CSMD2: variants seen among roughly 807,000 people sequenced by gnomAD.
CSMD2 encodes the protein CUB and sushi domain-containing protein 2.
CSMD2 carries 130 observed loss-of-function variants against 398.5 expected under a neutral mutation model. The observed-to-expected ratio is 0.33, with a 90% CI of 0.28 to 0.38. The LOEUF (loss-of-function observed/expected upper bound fraction) is 0.38, where lower values mean the gene tolerates loss of function less well. Among genes scored for constraint, CSMD2 ranks in the 10% least tolerant of loss-of-function variants. CSMD2 has a pLI of 1.00. For synonymous variants in CSMD2, 1,828 were observed against 1,908.5 expected (o/e 0.96, Z 1.10); for missense variants, 3,829 against 4,764.9 (o/e 0.80, Z 5.78).
In CSMD2 at chr1:33,847,363, TCCC is replaced by T. The variant is rs1011633552; in HGVS notation, c.921-370_921-368del. Reference sequence around the variant, plus strand: ...TAACGCTTTCTCCTGCCCATCCATGTCCCCCAAGATGACTTTGGGAAGCCCCTT... The same window carrying T: ...TAACGCTTTCTCCTGCCCATCCATGTCCAAGATGACTTTGGGAAGCCCCTT... On this transcript the variant is annotated intron_variant, in intron 5 of 70. Transcript: ENST00000373381. 2.3e-4 allele frequency among the ~76,000 whole-genome samples: 35 copies of T among 151,614 alleles called. 1 individual carries two copies. The highest frequency in any genetic ancestry group is 8.2e-4 in the African/African-American group (34 of 41,238).
chr1:33,736,197 T>C (rs1386519344), intron 15 of CSMD2, among the ~76,000 whole-genome samples: 1 of 152,208 alleles, frequency 6.6e-6, no homozygotes. Flanking sequence ...AAAGACCTTT[T>C]TAACTTTAAA....
intron 51 of CSMD2, among the ~76,000 whole-genome samples, chr1:33,570,332 AAT>A (rs1491269302): frequency 1.1e-5 from 1 of 90,634 alleles, no homozygotes; most frequent in Non-Finnish European, 2.3e-5. Context: ...CATGCTGGCT[AAT>A]TTTTTTTTTT....
chr1:33,743,479 C>T lies in CSMD2; in HGVS notation c.1974G>A (p.Leu658=). 6.2e-7 allele frequency: 1 copy of T among 1,614,126 alleles called. No individual in the cohort carries two copies. The highest frequency in any genetic ancestry group is 2.2e-5 in the East Asian group (1 of 44,870). Residue 658 remains leucine (L), a synonymous_variant, in exon 14 of 71, where the codon CTG becomes CTA. Coordinates refer to ENST00000373381, the MANE Select transcript of CSMD2 (RefSeq NM_001281956.2). ...ILARPESRIH[L]AFNDIDVEPQ... ...GCTCCACGTCAATGTCGTTGAAGGC[C>T]AGGTGGATGCGGCTCTCAGGCCTGG...
chr1:33,984,971 G>C (rs1463852624), intron 3 of CSMD2, among the ~76,000 whole-genome samples: 1 of 152,168 alleles, frequency 6.6e-6, no homozygotes, highest in East Asian at 1.9e-4. Context: ...TTGCACAAAT[G>C]GGTAATGATT....
intron 4 of CSMD2, among the ~76,000 whole-genome samples, chr1:33,929,537 A>T (rs112723460): frequency 6.7e-6 from 1 of 148,632 alleles, no homozygotes; most frequent in African/African-American, 2.5e-5. Flanking sequence ...TCCCGGATTC[A>T]AGAGATTCTC....
intron 2 of CSMD2, among the ~76,000 whole-genome samples, chr1:34,049,825 A>G (rs1370544945): frequency 6.6e-6 from 1 of 152,202 alleles, no homozygotes; most frequent in Non-Finnish European, 1.5e-5. Flanking sequence ...GTGAACTCCC[A>G]AAGTTTATAT....
intron 6 of CSMD2, among the ~76,000 whole-genome samples, chr1:33,830,824 A>C (rs1659458399): frequency 6.6e-6 from 1 of 152,242 alleles, no homozygotes; most frequent in South Asian, 2.1e-4. Context: ...AAAGGAGCTG[A>C]TGGAGCTGAA....
chr1:33,783,126 G>A (rs901965968), intron 12 of CSMD2, among the ~76,000 whole-genome samples: 2 of 152,130 alleles, frequency 1.3e-5, no homozygotes, highest in Non-Finnish European at 2.9e-5. Flanking sequence ...AAAGGAGGAG[G>A]CGGAGATGAG....
intron 28 of CSMD2, among the ~76,000 whole-genome samples, chr1:33,650,479 A>G (rs868435523): frequency 2.0e-5 from 3 of 149,752 alleles, no homozygotes; most frequent in East Asian, 2.0e-4. Flanking sequence ...TCATAAGGGC[A>G]TGAAAGAATC....
intron 1 of CSMD2, among the ~76,000 whole-genome samples, chr1:34,097,158 G>A (rs1483168609): frequency 2.2e-4 from 32 of 147,380 alleles, no homozygotes; most frequent in Non-Finnish European, 1.2e-4. Context: ...ACAAGCAATG[G>A]GGAAAGGATT....
intron 45 of CSMD2, among the ~76,000 whole-genome samples, chr1:33,586,864 T>G (rs1016304907): frequency 6.6e-6 from 1 of 152,232 alleles, no homozygotes; most frequent in African/African-American, 2.4e-5. Context: ...CTCAAAAAGA[T>G]GCTGACTTGA....
chr1:33,931,778 A>G (rs1453509635), intron 4 of CSMD2, among the ~76,000 whole-genome samples: 1 of 152,216 alleles, frequency 6.6e-6, no homozygotes, highest in Non-Finnish European at 1.5e-5. Context: ...AATCTGAACT[A>G]GACCCCGTCA....
chr1:33,737,415 G>T (rs1646918794), intron 15 of CSMD2, among the ~76,000 whole-genome samples: 1 of 152,210 alleles, frequency 6.6e-6, no homozygotes, highest in African/African-American at 2.4e-5. Flanking sequence ...GTCCAATGAA[G>T]AAATAGTTAA....
In CSMD2 at chr1:33,519,984, G is replaced by A. The variant is rs761182083; in HGVS notation, c.10598-34C>T. The stretch of plus-strand genomic sequence containing the variant: ...TCCCAAAGCAGAAAAGTCAAGTCAC[G>A]AGACACAGTCTGAGGCTCCGTTGGC... On this transcript the variant is annotated intron_variant, in intron 68 of 70. Transcript: ENST00000373381. The surrounding 1 kb of genome is among the most constrained non-coding windows in gnomAD (Gnocchi z 5.6). 8 of 1,611,748 alleles carry A rather than the reference G, an allele frequency of 5.0e-6. No homozygotes were observed. The African/African-American group carries it at 5.3e-5, about 11-fold the overall frequency.
chr1:33,677,095 C>A (rs567040736), intron 25 of CSMD2, among the ~76,000 whole-genome samples: 24 of 152,188 alleles, frequency 1.6e-4, no homozygotes, highest in South Asian at 8.3e-4. Flanking sequence ...GGAACAAAAG[C>A]CAAAATTGAC....
intron 2 of CSMD2, among the ~76,000 whole-genome samples, chr1:34,054,198 G>A (rs956564499): frequency 2.0e-5 from 3 of 151,958 alleles, no homozygotes; most frequent in African/African-American, 4.8e-5. Flanking sequence ...CTTCTCTTCC[G>A]AGATCCAATC....
At chr1:33,638,770 A>G (rs1642946271) in intron 29 of CSMD2, among the ~76,000 whole-genome samples, 1 of 152,094 alleles carries the variant, frequency 6.6e-6, no homozygotes, top group Admixed American at 6.5e-5. Context: ...TTTCTCCTTC[A>G]GTGACACTCT....
At chr1:34,043,048 C>G (rs2148193837) in intron 2 of CSMD2, among the ~76,000 whole-genome samples, 1 of 152,228 alleles carries the variant, frequency 6.6e-6, no homozygotes, top group South Asian at 2.1e-4. Context: ...CTTGGCCTCC[C>G]AAAGTGCTGG....
intron 5 of CSMD2, among the ~76,000 whole-genome samples, chr1:33,874,496 A>G (rs554133722): frequency 3.4e-4 from 52 of 152,302 alleles, no homozygotes; most frequent in South Asian, 4.1e-4. Flanking sequence ...CTTTGCAAAT[A>G]CCAGAGTATT....
Sources: gnomAD v4.1 joint callset for allele counts (sites outside exome capture counted in the v4.1 genomes callset) on GRCh38, gnomAD v4.1.1 for gene constraint, Gnocchi (gnomAD v3.1) non-coding constraint, MANE v1.5 for transcripts, NCBI Gene and HGNC (gene_info 2026-07-23, HGNC 2026-07-21) for gene names.